The following NCKAP5 variants were observed in gnomAD, a reference collection of about 807,000 sequenced individuals.
The protein encoded by NCKAP5 is nck-associated protein 5.
A neutral mutation model predicts 167.0 loss-of-function variants in NCKAP5; 92 were observed. The observed-to-expected ratio is 0.55, with a 90% CI of 0.47 to 0.66. The LOEUF (loss-of-function observed/expected upper bound fraction) is 0.66. Among genes scored for constraint, NCKAP5 ranks in the 30% least tolerant of loss-of-function variants. The probability of loss-of-function intolerance (pLI) is 0.00; values close to 1 mark genes in which losing one functional copy is unlikely to be tolerated. For missense variants in NCKAP5, 2,378 were observed against 2,315.0 expected (o/e 1.03, Z -0.56); for synonymous variants, 891 against 877.4 (o/e 1.02, Z -0.27).
At chr2:132,981,006 T>G (rs2077121933) in intron 7 of NCKAP5, among the ~76,000 whole-genome samples, 1 of 152,168 alleles carries the variant, frequency 6.6e-6, no homozygotes, top group African/African-American at 2.4e-5. Flanking sequence ...GGCTTGGCCT[T>G]AATGGGGAGA....
chr2:133,465,054 T>A (rs866581230), intron 3 of NCKAP5, among the ~76,000 whole-genome samples: 51 of 151,884 alleles, frequency 3.4e-4, no homozygotes, highest in African/African-American at 1.1e-3. Flanking sequence ...CATGTGCACA[T>A]TGTGCAGGTT....
At chr2:133,089,584 C>T (rs945370326) in intron 6 of NCKAP5, among the ~76,000 whole-genome samples, 1 of 152,162 alleles carries the variant, frequency 6.6e-6, no homozygotes, top group Non-Finnish European at 1.5e-5. Context: ...AAACAAAGTA[C>T]TCTTCATTTA....
chr2:133,472,773 C>G, intron 3 of NCKAP5, among the ~76,000 whole-genome samples: 1 of 152,128 alleles, frequency 6.6e-6, no homozygotes, highest in Admixed American at 6.5e-5. Context: ...TAATGGCACC[C>G]CTATCCACCA....
intron 6 of NCKAP5, among the ~76,000 whole-genome samples, chr2:133,055,009 A>T (rs1421717452): frequency 6.6e-6 from 1 of 152,220 alleles, no homozygotes; most frequent in Non-Finnish European, 1.5e-5. Flanking sequence ...TAACTCTTGA[A>T]AGTCTATTTT....
At chr2:133,671,064 A>C in the NCKAP5 span, among the ~76,000 whole-genome samples, 1 of 151,838 alleles carries the variant, frequency 6.6e-6, no homozygotes, top group African/African-American at 2.4e-5. Context: ...AAATACAAAA[A>C]ATTAGCTGGG....
At chr2:132,937,135 C>A (rs1221010976) in intron 8 of NCKAP5, among the ~76,000 whole-genome samples, 1 of 152,122 alleles carries the variant, frequency 6.6e-6, no homozygotes, top group African/African-American at 2.4e-5. Context: ...GAGCTGCCCC[C>A]ATAAATACGT....
chr2:132,995,187 T>C (rs912105981), intron 6 of NCKAP5, among the ~76,000 whole-genome samples: 1 of 152,200 alleles, frequency 6.6e-6, no homozygotes, highest in Admixed American at 6.5e-5. Flanking sequence ...AATATTTTTC[T>C]TTCTTCAATA....
At chr2:133,174,741 C>G (rs1574272679) in intron 5 of NCKAP5, among the ~76,000 whole-genome samples, 1 of 148,148 alleles carries the variant, frequency 6.8e-6, no homozygotes, top group Admixed American at 6.8e-5. Context: ...GCTTTGGAAT[C>G]AACCATTTCT....
chr2:133,012,945 A>G (rs1457742562), intron 6 of NCKAP5, among the ~76,000 whole-genome samples: 2 of 152,074 alleles, frequency 1.3e-5, no homozygotes, highest in Non-Finnish European at 2.9e-5. Context: ...CATATCTCAC[A>G]CAGGCTCTCT....
At chr2:133,416,931 C>A (rs1229690761) in intron 3 of NCKAP5, among the ~76,000 whole-genome samples, 2 of 152,092 alleles carry the variant, frequency 1.3e-5, no homozygotes, top group Admixed American at 6.5e-5. Context: ...CCTTTCCCTG[C>A]CAAACATTTG....
intron 4 of NCKAP5, among the ~76,000 whole-genome samples, chr2:133,226,459 T>C (rs2086895134): frequency 6.6e-6 from 1 of 151,984 alleles, no homozygotes; most frequent in Non-Finnish European, 1.5e-5. Context: ...AAAATGCATA[T>C]ATTGAAGTCC....
At chr2:132,950,968 G>A (rs1015214228) in intron 8 of NCKAP5, among the ~76,000 whole-genome samples, 16 of 152,078 alleles carry the variant, frequency 1.1e-4, no homozygotes. Flanking sequence ...TTCTAAGAAA[G>A]GTCTTGTGGA....
At chr2:133,203,131 G>T (rs2085777945) in intron 5 of NCKAP5, among the ~76,000 whole-genome samples, 1 of 152,096 alleles carries the variant, frequency 6.6e-6, no homozygotes, top group South Asian at 2.1e-4. Context: ...CAAAGACTTG[G>T]AACCAACCCA....
At chr2:133,434,941 A>G (rs901885294) in intron 3 of NCKAP5, among the ~76,000 whole-genome samples, 2 of 152,246 alleles carry the variant, frequency 1.3e-5, no homozygotes, top group Non-Finnish European at 2.9e-5. Context: ...AGCAATGAAC[A>G]ATATTAGATA....
rs779508985 is a variant in NCKAP5 at position 132,782,968 on chromosome 2, G to A, written c.3843C>T (p.His1281=). The A allele has an allele frequency of 3.7e-6, 6 of 1,614,030 alleles. No individual in the cohort carries two copies. The highest frequency in any genetic ancestry group is 3.3e-5 in the Admixed American group (2 of 60,028). Residue 1281 remains histidine (H), a synonymous_variant, in exon 14 of 20, where the codon CAC becomes CAT. Coordinates refer to ENST00000409261, the MANE Select transcript of NCKAP5 (RefSeq NM_207363.3). ...AKARSHSFST[H]SGDKPSTPPI... ...GGGGCGTAGAAGGCTTGTCTCCTGA[G>A]TGTGTACTGAAGCTGTGGCTGCGGG...
intron 8 of NCKAP5, among the ~76,000 whole-genome samples, chr2:132,896,922 A>G (rs985218427): frequency 6.6e-6 from 1 of 152,196 alleles, no homozygotes; most frequent in African/African-American, 2.4e-5. Context: ...ACATTGATCG[A>G]GACACTGAAC....
chr2:133,469,411 T>C (rs1692868669), intron 3 of NCKAP5, among the ~76,000 whole-genome samples: 1 of 152,114 alleles, frequency 6.6e-6, no homozygotes, highest in Non-Finnish European at 1.5e-5. Context: ...CCTTTGAGGG[T>C]AACCCGACCT....
chr2:133,260,791 T>C (rs1342836645), intron 4 of NCKAP5, among the ~76,000 whole-genome samples: 1 of 152,220 alleles, frequency 6.6e-6, no homozygotes, highest in African/African-American at 2.4e-5. Context: ...GGCAAGCTGA[T>C]ACAAATTTGC....
At chr2:133,046,433 G>C (rs1037754656) in intron 6 of NCKAP5, among the ~76,000 whole-genome samples, 1 of 151,944 alleles carries the variant, frequency 6.6e-6, no homozygotes, top group Admixed American at 6.6e-5. Flanking sequence ...GGCTGGAGTG[G>C]AGTGGTGTGA....
Sources: gnomAD v4.1 joint callset for allele counts (sites outside exome capture counted in the v4.1 genomes callset) on GRCh38, gnomAD v4.1.1 for gene constraint, MANE v1.5 for transcripts, NCBI Gene and HGNC (gene_info 2026-07-23, HGNC 2026-07-21) for gene names.